The following PALS2 variants were observed in gnomAD, a reference collection of about 807,000 sequenced individuals.
PALS2 encodes the protein protein PALS2.
PALS2 carries 27 observed loss-of-function variants against 61.6 expected under a neutral mutation model. That is an observed-to-expected ratio of 0.44 (90% confidence interval 0.32 to 0.60). The LOEUF is 0.60. PALS2 is among the 20% of genes least tolerant of loss of function. PALS2 has a pLI of 0.05. For synonymous variants in PALS2, 236 were observed against 218.6 expected (o/e 1.08, Z -0.70); for missense variants, 554 against 639.4 (o/e 0.87, Z 1.44).
chr7:24,647,074 A>G (rs908597694), intron 3 of PALS2, among the ~76,000 whole-genome samples: 1 of 150,122 alleles, frequency 6.7e-6, no homozygotes, highest in African/African-American at 2.4e-5. Context: ...TGGCTTGTCT[A>G]TTAATTTTTT....
At chr7:24,633,582 G>A (rs868066563) in intron 2 of PALS2, among the ~76,000 whole-genome samples, 4 of 150,842 alleles carry the variant, frequency 2.7e-5, no homozygotes, top group African/African-American at 9.8e-5. Flanking sequence ...TATGAGTCTC[G>A]TGGATCTGTG....
Position 24,626,927 on chromosome 7 carries a change from T to C in PALS2, c.117+3143T>C, listed in dbSNP as rs184097610. ...CTCCCACACCATAATAGTCGGAGATTTTAACACCCCACCGTCAATATTAGA... is the reference window on the plus strand; with the variant it reads ...CTCCCACACCATAATAGTCGGAGATCTTAACACCCCACCGTCAATATTAGA... On this transcript the variant is annotated intron_variant, in intron 2 of 11. Coordinates refer to ENST00000222644, the MANE Select transcript of PALS2 (RefSeq NM_001303037.2). 2.0e-3 allele frequency among the ~76,000 whole-genome samples: 306 copies of C among 152,240 alleles called. 14 individuals carry two copies. In the South Asian group the frequency reaches 0.05, roughly 25 times the overall value.
rs189717627 is a variant in PALS2, at chr7:24,578,214, G to C, written c.-3+4621G>C. 3.9e-5 allele frequency among the ~76,000 whole-genome samples: 6 copies of C among 152,238 alleles called. No individual in the cohort carries two copies. In the East Asian group the frequency reaches 1.2e-3, roughly 29 times the overall value. The stretch of plus-strand genomic sequence containing the variant: ...GATTCTCTCGCCTCAGTGCCTCAAA[G>C]CACTGGGATCATAAGCATGAACCAC... On this transcript the variant is annotated intron_variant, in intron 1 of 11. Transcript: ENST00000222644.
At chr7:24,678,469 C>G (rs1293341686) in intron 9 of PALS2, among the ~76,000 whole-genome samples, 1 of 152,140 alleles carries the variant, frequency 6.6e-6, no homozygotes, top group Non-Finnish European at 1.5e-5. Flanking sequence ...AAACAGGAAG[C>G]TAAAAGCGTT....
At position 24,665,891 on chromosome 7, in the gene PALS2, C is replaced by T. The variant is rs556335453; in HGVS notation, c.884-130C>T. ...ATCAAAATTCAGTGGCTTAACTCAC[C>T]TCCACCCTCTTTTGCTTCCTAGGAT... is the stretch of plus-strand genomic sequence containing the variant. On this transcript the variant is annotated intron_variant, in intron 7 of 11. Transcript: ENST00000222644. 6.9e-4 allele frequency: 699 copies of T among 1,010,072 alleles called. 1 individual carries two copies. Among genetic ancestry groups the T allele is most frequent in the Non-Finnish European group, 9.4e-4 (637 of 679,454 alleles). 62.6% of individuals were successfully genotyped at this position (1,010,072 alleles called of 1,614,324 possible). A position where few individuals can be genotyped will look rare whatever the true frequency, so the allele number is the denominator to read the frequency against.
intron 5 of PALS2, among the ~76,000 whole-genome samples, chr7:24,660,554 A>G (rs549621030): frequency 1.3e-5 from 2 of 152,104 alleles, no homozygotes; most frequent in Non-Finnish European, 2.9e-5. Flanking sequence ...ACACACACAC[A>G]CACACACTTT....
At chr7:24,623,150 C>A in intron 1 of PALS2, among the ~76,000 whole-genome samples, 1 of 148,556 alleles carries the variant, frequency 6.7e-6, no homozygotes, top group Admixed American at 6.7e-5. Context: ...GGTTTAGTAT[C>A]AGGGTAATTG....
chr7:24,667,643 G>A (rs920298234), intron 8 of PALS2, among the ~76,000 whole-genome samples: 51 of 148,296 alleles, frequency 3.4e-4, no homozygotes, highest in South Asian at 1.1e-3. Context: ...AATTTTTCTA[G>A]CTTGATTAGA....
intron 2 of PALS2, among the ~76,000 whole-genome samples, chr7:24,626,125 A>G (rs6977229): frequency 0.044 from 6,740 of 152,224 alleles, 174 homozygotes; most frequent in Non-Finnish European, 0.058. Flanking sequence ...AAGAAAAGGG[A>G]AAAAAACATG....
intron 1 of PALS2, among the ~76,000 whole-genome samples, chr7:24,577,895 A>G (rs1323652954): frequency 6.6e-6 from 1 of 152,124 alleles, no homozygotes; most frequent in Non-Finnish European, 1.5e-5. Context: ...TATAATCTCC[A>G]TACTCACTAG....
In PALS2 at chr7:24,578,559, C is replaced by T. The variant is rs1208299014; in HGVS notation, c.-3+4966C>T. Among the ~76,000 whole-genome samples, 8 of 152,204 alleles carry T rather than the reference C, an allele frequency of 5.3e-5. 1 individual carries two copies. Among genetic ancestry groups the T allele is most frequent in the Admixed American group, 1.3e-4 (2 of 15,284 alleles). On this transcript the variant is annotated intron_variant, in intron 1 of 11. Coordinates refer to ENST00000222644, the MANE Select transcript of PALS2 (RefSeq NM_001303037.2). ...CACATCATATCGTTTCTCTCTTCTT[C>T]TCTGTGCGTTTGCTTCATTCCTTCT... is the stretch of plus-strand genomic sequence containing the variant.
intron 9 of PALS2, among the ~76,000 whole-genome samples, chr7:24,676,254 C>A (rs1787587859): frequency 6.6e-6 from 1 of 151,710 alleles, no homozygotes; most frequent in Admixed American, 6.6e-5. Flanking sequence ...TGTTTGAGTT[C>A]ATTGTAGATT....
chr7:24,627,633 G>C (rs528027222), intron 2 of PALS2, among the ~76,000 whole-genome samples: 6 of 152,018 alleles, frequency 3.9e-5, no homozygotes, highest in Non-Finnish European at 8.8e-5. Flanking sequence ...GACTAGTAAA[G>C]AAGAAAAGAG....
intron 11 of PALS2, among the ~76,000 whole-genome samples, chr7:24,681,698 A>G (rs1024210599): frequency 2.0e-5 from 3 of 152,120 alleles, no homozygotes; most frequent in Non-Finnish European, 4.4e-5. Context: ...TTGGCCACAT[A>G]TTTGTACTCA....
chr7:24,640,779 C>T (rs71537295), intron 2 of PALS2, among the ~76,000 whole-genome samples: 78,016 of 151,352 alleles, frequency 0.52, 23,238 homozygotes, highest in African/African-American at 0.83. Context: ...GAGGCCGAGG[C>T]GGGTGGATCA....
intron 3 of PALS2, among the ~76,000 whole-genome samples, chr7:24,644,804 A>T (rs962653724): frequency 1.3e-5 from 2 of 151,940 alleles, no homozygotes; most frequent in Non-Finnish European, 2.9e-5. Flanking sequence ...CCTTAACAGC[A>T]TCTGGTATTT....
At chr7:24,607,040 C>A (rs926626627) in intron 1 of PALS2, among the ~76,000 whole-genome samples, 1 of 151,982 alleles carries the variant, frequency 6.6e-6, no homozygotes, top group Non-Finnish European at 1.5e-5. Flanking sequence ...CCTGTTGGTG[C>A]GCAAGAAATT....
intron 2 of PALS2, among the ~76,000 whole-genome samples, chr7:24,632,224 G>T (rs928455179): frequency 2.6e-5 from 4 of 152,044 alleles, no homozygotes; most frequent in Non-Finnish European, 5.9e-5. Flanking sequence ...AATTTTTCTT[G>T]ATCTGAAGTC....
intron 8 of PALS2, 145 bp downstream of exon 8, chr7:24,666,234 C>A: frequency 1.7e-6 from 1 of 603,108 alleles, no homozygotes; most frequent in East Asian, 2.8e-5. Flanking sequence ...ACACATGGTG[C>A]AATATAATAT....
Sources: allele counts gnomAD v4.1 joint callset (sites outside exome capture counted in the v4.1 genomes callset), GRCh38; gene constraint gnomAD v4.1.1; transcripts MANE v1.5; gene names NCBI Gene and HGNC (gene_info 2026-07-23, HGNC 2026-07-21).